Variants in LAIR1 observed in about 807,000 individuals in gnomAD.
LAIR1 encodes leukocyte-associated immunoglobulin-like receptor 1.
In LAIR1, 24 loss-of-function variants were observed where a neutral mutation model predicts 32.8. The observed-to-expected ratio is 0.73, with a 90% CI of 0.53 to 1.03. LAIR1 has a LOEUF of 1.03. LAIR1 is among the 50% of genes least tolerant of loss of function. LAIR1 has a pLI of 0.00. For synonymous variants in LAIR1, 150 were observed against 140.5 expected (o/e 1.07, Z -0.48); for missense variants, 355 against 347.5 (o/e 1.02, Z -0.17).
At chr19:54,375,215 A>G (rs2082479718), upstream of LAIR1, among the ~76,000 whole-genome samples, 1 of 152,050 alleles carries the variant, frequency 6.6e-6, no homozygotes, top group African/African-American at 2.4e-5. Flanking sequence ...CTAACCAGAC[A>G]TGGGCCCAGG....
chr19:54,375,863 G>T, the LAIR1 span, among the ~76,000 whole-genome samples: 1 of 151,764 alleles, frequency 6.6e-6, no homozygotes, highest in Non-Finnish European at 1.5e-5. Flanking sequence ...GTCATATATA[G>T]CATATTAACC....
Position 54,364,697 on chromosome 19 carries a change from A to G in LAIR1, c.34+74T>C. The G allele has an allele frequency of 7.9e-7, 1 of 1,262,434 alleles. No homozygotes were observed. The highest frequency in any genetic ancestry group is 2.3e-5 in the East Asian group (1 of 43,258). The allele number at this position is 1,262,434 out of a possible 1,614,324, so 78.2% of individuals were successfully genotyped here. A position where few individuals can be genotyped will look rare whatever the true frequency, so the allele number is the denominator to read the frequency against. On this transcript the variant is annotated intron_variant, in intron 1 of 9. Transcript: ENST00000391742. The surrounding 1 kb of genome is among the most constrained non-coding windows in gnomAD (Gnocchi z 4.8). ...TCCTCCCCAGAATCTTCTGGACTAG[A>G]GTCAGGCTTGAGCAGGGAATTTTCC...
chr19:54,355,512 G>T lies in LAIR1; in HGVS notation c.718-98C>A. The T allele has an allele frequency of 9.0e-7, 1 of 1,108,616 alleles. No individual in the cohort carries two copies. Among genetic ancestry groups the T allele is most frequent in the South Asian group, 1.5e-5 (1 of 65,304 alleles). The allele number at this position is 1,108,616 out of a possible 1,614,324, so 68.7% of individuals were successfully genotyped here. A position where few individuals can be genotyped will look rare whatever the true frequency, so the allele number is the denominator to read the frequency against. ...TGTGGCGGCCATCTCCATGGGCCCT[G>T]AGGACCCTCTCCTAAATTGCATCCG... On this transcript the variant is annotated intron_variant, in intron 9 of 9. Coordinates refer to ENST00000391742, the MANE Select transcript of LAIR1 (RefSeq NM_002287.6). This position sits in a 1 kb window ranked among gnomAD's most constrained non-coding sequence, Gnocchi z 4.7.
At chr19:54,373,730 G>A (rs2082458538), upstream of LAIR1, among the ~76,000 whole-genome samples, 1 of 152,178 alleles carries the variant, frequency 6.6e-6, no homozygotes, top group Non-Finnish European at 1.5e-5. Flanking sequence ...CGCACCAATG[G>A]CTTAACACAA....
chr19:54,374,547 G>A (rs2082470243), upstream of LAIR1, among the ~76,000 whole-genome samples: 1 of 152,144 alleles, frequency 6.6e-6, no homozygotes, highest in Admixed American at 6.6e-5. Context: ...TGTGGTTTTG[G>A]CTGCCGCAGT....
rs924346051 is a variant in LAIR1, at chr19:54,354,456, A to C, written c.*812T>G. ...CGTATCTGTGGCGATGGGTGCGCTG[A>C]GGAATTGATTGTGACTGTCATTGCA... is the stretch of plus-strand genomic sequence containing the variant. On this transcript the variant is annotated 3_prime_UTR_variant, in exon 10 of 10. Transcript: ENST00000391742. 6.6e-6 allele frequency: 1 copy of C among 152,250 alleles called. No homozygotes were observed. The highest frequency in any genetic ancestry group is 2.4e-5 in the African/African-American group (1 of 41,454). The allele number at this position is 152,250 out of a possible 1,614,324, so 9.4% of individuals were successfully genotyped here.
At chr19:54,363,821 C>T (rs2045680144) in intron 2 of LAIR1, among the ~76,000 whole-genome samples, 1 of 152,120 alleles carries the variant, frequency 6.6e-6, no homozygotes, top group South Asian at 2.1e-4. Context: ...AGACACTGAT[C>T]AAATGATACA....
intron 4 of LAIR1, 49 bp from the exon 5 acceptor site, chr19:54,357,015 C>T (rs1192564667): frequency 6.3e-7 from 1 of 1,578,184 alleles, no homozygotes; most frequent in African/African-American, 1.3e-5. Context: ...CTGAGCTGGA[C>T]AGAGAAGGCT....
rs187388610 is a variant in LAIR1, at chr19:54,364,588, C to T, written c.34+183G>A. Reference sequence around the variant, plus strand: ...CTGACCTCATCCCCACACCCGGGCCCCTGTTTTTAGGACAAGATCTTCTCT... The same window carrying T: ...CTGACCTCATCCCCACACCCGGGCCTCTGTTTTTAGGACAAGATCTTCTCT... On this transcript the variant is annotated intron_variant, in intron 1 of 9. Transcript: ENST00000391742. This position sits in a 1 kb window ranked among gnomAD's most constrained non-coding sequence, Gnocchi z 4.8. 4.3e-4 allele frequency: 352 copies of T among 814,322 alleles called. No individual in the cohort carries two copies. The highest frequency in any genetic ancestry group is 6.9e-4 in the Non-Finnish European group (322 of 468,402). 50.4% of individuals were successfully genotyped at this position (814,322 alleles called of 1,614,324 possible).
At chr19:54,369,910 G>T (rs908192172), upstream of LAIR1, among the ~76,000 whole-genome samples, 1 of 150,386 alleles carries the variant, frequency 6.6e-6, no homozygotes, top group Non-Finnish European at 1.5e-5. Flanking sequence ...TCGCCGTAAT[G>T]ATCTCAAGCT....
upstream of LAIR1, chr19:54,370,568 A>G (rs2082379700): frequency 8.9e-6 from 3 of 336,346 alleles, no homozygotes; most frequent in Non-Finnish European, 1.6e-5. Context: ...AGGGTCAGGA[A>G]CGGAGCAAAA....
intron 4 of LAIR1, among the ~76,000 whole-genome samples, chr19:54,359,471 C>T (rs1238249394): frequency 6.6e-6 from 1 of 151,654 alleles, no homozygotes; most frequent in Non-Finnish European, 1.5e-5. Flanking sequence ...GACCTTACTC[C>T]ACCGTTCAGG....
chr19:54,368,684 G>GACTT (rs2082327129), upstream of LAIR1: 1 of 151,386 alleles, frequency 6.6e-6, no homozygotes, highest in Admixed American at 6.6e-5. Flanking sequence ...TTTGTTGACT[G>GACTT]ATTTATTTAT....
In LAIR1 at chr19:54,352,759, G is replaced by C. The variant is rs2081555366; in HGVS notation, c.*2509C>G. ...GTCCACCTTCTGCTATAGAGTTCAT[G>C]TACCCACCTGTCAACCTCATAGTCA... On this transcript the variant is annotated 3_prime_UTR_variant, in exon 10 of 10. Coordinates refer to ENST00000391742, the MANE Select transcript of LAIR1 (RefSeq NM_002287.6). 1 of 153,202 alleles carries C rather than the reference G, an allele frequency of 6.5e-6. No individual in the cohort carries two copies. Among genetic ancestry groups the C allele is most frequent in the Admixed American group, 6.6e-5 (1 of 15,256 alleles). The allele number at this position is 153,202 out of a possible 1,614,324, so 9.5% of individuals were successfully genotyped here.
chr19:54,356,333 G>T, intron 7 of LAIR1, 23 bp downstream of exon 7: 1 of 1,599,498 alleles, frequency 6.3e-7, no homozygotes, highest in Non-Finnish European at 8.5e-7. Context: ...TGGAGGTCCA[G>T]GAGTCATTCC....
chr19:54,367,962 C>T (rs1269984436), upstream of LAIR1, among the ~76,000 whole-genome samples: 5 of 150,850 alleles, frequency 3.3e-5, no homozygotes, highest in African/African-American at 9.7e-5. Flanking sequence ...TTAGTAGAGA[C>T]GGGGTTTCAC....
At chr19:54,369,957 C>T (rs1412206307) in intron 1 of LAIR1, among the ~76,000 whole-genome samples, 1 of 149,314 alleles carries the variant, frequency 6.7e-6, no homozygotes, top group African/African-American at 2.6e-5. Context: ...TCAAGCTAAA[C>T]CCCGGTCCTC....
upstream of LAIR1, among the ~76,000 whole-genome samples, chr19:54,374,021 A>G (rs1243579746): frequency 6.6e-6 from 1 of 152,240 alleles, no homozygotes; most frequent in Non-Finnish European, 1.5e-5. Context: ...AAGACCAGGG[A>G]AAAAGTCCCT....
intron 3 of LAIR1, 89 bp downstream of exon 3, chr19:54,360,827 A>T: frequency 7.5e-7 from 1 of 1,337,928 alleles, no homozygotes; most frequent in Non-Finnish European, 1.0e-6. Flanking sequence ...TTGGCCACAG[A>T]GGACAGCAGC....
Sources: allele counts gnomAD v4.1 joint callset (sites outside exome capture counted in the v4.1 genomes callset), GRCh38; gene constraint gnomAD v4.1.1; non-coding constraint Gnocchi (gnomAD v3.1); transcripts MANE v1.5; gene names NCBI Gene and HGNC (gene_info 2026-07-23, HGNC 2026-07-21).